IPCEF1: variants seen among roughly 807,000 people sequenced by gnomAD.
IPCEF1 encodes interactor protein for cytohesin exchange factors 1.
In IPCEF1, 31 loss-of-function variants were observed where a neutral mutation model predicts 50.9. The observed-to-expected ratio is 0.61, with a 90% CI of 0.46 to 0.82. IPCEF1 has a LOEUF of 0.82. IPCEF1 is among the 40% of genes least tolerant of loss of function. IPCEF1 has a pLI of 0.00. For synonymous variants in IPCEF1, 181 were observed against 192.0 expected (o/e 0.94, Z 0.47); for missense variants, 458 against 514.0 (o/e 0.89, Z 1.05).
rs1306422789 is a variant in IPCEF1, at chr6:154,292,935, GA to G, written c.-61-3180del. On this transcript the variant is annotated intron_variant, in intron 1 of 11. Transcript: ENST00000367220. ...TATACCAGCTCTTTCTTTCTCCCCA[GA>G]ACAAGATCTTATGTCACTTCCTCCT... 7.2e-5 allele frequency among the ~76,000 whole-genome samples: 11 copies of G among 152,096 alleles called. 1 individual carries two copies.
intron 1 of IPCEF1, among the ~76,000 whole-genome samples, chr6:154,343,615 A>G (rs1201281772): frequency 3.3e-5 from 5 of 152,272 alleles, no homozygotes; most frequent in Middle Eastern, 3.4e-3. Context: ...TCCTCCGCCA[A>G]TCTGACCCAA....
rs746516519 is a variant in IPCEF1 at position 154,160,051 on chromosome 6, A to G, written c.1105-11T>C. The stretch of plus-strand genomic sequence containing the variant: ...ATCATGTTCTTTACACTGTGTGAGT[A>G]GAAAAAAAGGGGAAGGGGGTATGTT... On this transcript the variant is annotated splice_polypyrimidine_tract_variant and intron_variant, in intron 11 of 11. Coordinates refer to ENST00000367220, the MANE Select transcript of IPCEF1 (RefSeq NM_001130700.2). 3 of 1,599,158 alleles carry G rather than the reference A, an allele frequency of 1.9e-6. No individual in the cohort carries two copies. Among genetic ancestry groups the G allele is most frequent in the Non-Finnish European group, 2.6e-6 (3 of 1,172,482 alleles).
chr6:154,257,004 C>A (rs1024839564), intron 3 of IPCEF1, among the ~76,000 whole-genome samples: 9 of 152,168 alleles, frequency 5.9e-5, no homozygotes, highest in Non-Finnish European at 1.2e-4. Flanking sequence ...CTATGATGTT[C>A]AGTAGATTAG....
chr6:154,191,371 C>T (rs982747980), intron 10 of IPCEF1, among the ~76,000 whole-genome samples: 9 of 151,976 alleles, frequency 5.9e-5, no homozygotes, highest in Non-Finnish European at 7.4e-5. Flanking sequence ...TATGACATAA[C>T]GACATAAAGA....
intron 2 of IPCEF1, among the ~76,000 whole-genome samples, chr6:154,286,974 C>T (rs1192024153): frequency 3.3e-5 from 5 of 152,126 alleles, no homozygotes; most frequent in African/African-American, 9.7e-5. Flanking sequence ...TGGATTTCCC[C>T]TTGTTCTCAT....
chr6:154,180,414 A>ATATTTTTTTTT (rs1241250621), intron 10 of IPCEF1, among the ~76,000 whole-genome samples: 18 of 65,262 alleles, frequency 2.8e-4, no homozygotes, highest in African/African-American at 8.2e-4. Context: ...ATATATATAT[A>ATATTTTTTTTT]TTTTTTTTTT....
rs775354023 is a variant in IPCEF1 at position 154,167,961 on chromosome 6, C to T, written c.1063G>A (p.Glu355Lys). 1.2e-5 allele frequency: 20 copies of T among 1,603,812 alleles called. No individual in the cohort carries two copies. The highest frequency in any genetic ancestry group is 5.5e-5 in the South Asian group (5 of 90,150). The stretch of plus-strand genomic sequence containing the variant: ...AATGTTCGGATTTTGTGGAGTTTCT[C>T]GTTTATAGATGGATTTTTACACCGC... The part of the protein sequence containing the change: ...VKRCKNPSIN[E>K]KLHKIRTLNS... Residue 355 changes from glutamate to lysine, a missense_variant, in exon 11 of 12, where the codon GAG becomes AAG. By Grantham distance (56) the Glu-to-Lys change is moderately conservative. Coordinates refer to ENST00000367220, the MANE Select transcript of IPCEF1 (RefSeq NM_001130700.2).
rs547796412 is a variant in IPCEF1, at chr6:154,354,618, G to A, written c.-62+2054C>T. Among the ~76,000 whole-genome samples the A allele has an allele frequency of 6.7e-4, 97 of 145,320 alleles. 1 individual carries two copies. The highest frequency in any genetic ancestry group is 2.3e-3 in the African/African-American group (90 of 39,312). On this transcript the variant is annotated intron_variant, in intron 1 of 11. Coordinates refer to ENST00000367220, the MANE Select transcript of IPCEF1 (RefSeq NM_001130700.2). Reference sequence around the variant, plus strand: ...TCACTTCCACCATCACCTCCCCTACGACCACCACTTCCAACACCACCCCCT... The same window carrying A: ...TCACTTCCACCATCACCTCCCCTACAACCACCACTTCCAACACCACCCCCT...
intron 7 of IPCEF1, among the ~76,000 whole-genome samples, chr6:154,214,851 T>C (rs1038433801): frequency 1.3e-5 from 2 of 152,240 alleles, no homozygotes; most frequent in African/African-American, 4.8e-5. Flanking sequence ...TTTACCATTT[T>C]ACTGGCAATG....
chr6:154,227,098 T>G (rs1420868051), intron 5 of IPCEF1, among the ~76,000 whole-genome samples: 2 of 151,832 alleles, frequency 1.3e-5, no homozygotes, highest in African/African-American at 4.8e-5. Flanking sequence ...CTTGGGAGGC[T>G]GAGGCTGAGG....
chr6:154,178,540 G>T (rs990876947), intron 10 of IPCEF1, among the ~76,000 whole-genome samples: 1 of 151,918 alleles, frequency 6.6e-6, no homozygotes, highest in East Asian at 1.9e-4. Context: ...TAAACTTTGG[G>T]TTGGGCAACT....
At chr6:154,303,799 T>C (rs565528158) in intron 1 of IPCEF1, among the ~76,000 whole-genome samples, 1 of 152,164 alleles carries the variant, frequency 6.6e-6, no homozygotes, top group East Asian at 1.9e-4. Context: ...GGTGCACCTG[T>C]GGCCCTAATT....
chr6:154,159,969 T>C lies in IPCEF1; in HGVS notation c.1176A>G (p.Arg392=). ...GCAGGGTGTTCATGACTTTCCACTCTCTGTATTTCCTGGCTGTCAGCTTCG... is the reference window on the plus strand; with the variant it reads ...GCAGGGTGTTCATGACTTTCCACTCCCTGTATTTCCTGGCTGTCAGCTTCG... ...DDPKLTARKY[R]EWKVMNTLLI... Residue 392 remains arginine (R), a synonymous_variant, in exon 12 of 12, where the codon AGA becomes AGG. Transcript: ENST00000367220. 1 of 1,613,316 alleles carries C rather than the reference T, an allele frequency of 6.2e-7. No homozygotes were observed. The highest frequency in any genetic ancestry group is 1.1e-5 in the South Asian group (1 of 91,014).
intron 10 of IPCEF1, among the ~76,000 whole-genome samples, chr6:154,179,733 C>T (rs1019081785): frequency 5.9e-5 from 9 of 152,012 alleles, no homozygotes; most frequent in East Asian, 1.9e-4. Flanking sequence ...ATAAAGATTC[C>T]GGAAAAACAG....
intron 5 of IPCEF1, among the ~76,000 whole-genome samples, chr6:154,225,430 T>C (rs1050838098): frequency 2.0e-5 from 3 of 152,242 alleles, no homozygotes; most frequent in African/African-American, 7.2e-5. Context: ...AATAAAGTAC[T>C]AATACATGCT....
chr6:154,327,675 A>T (rs978310205), intron 1 of IPCEF1, among the ~76,000 whole-genome samples: 2 of 152,250 alleles, frequency 1.3e-5, no homozygotes, highest in African/African-American at 4.8e-5. Context: ...TGCCTCAAAG[A>T]CCTAGAGGCA....
chr6:154,244,869 C>G (rs1780903648), intron 5 of IPCEF1, among the ~76,000 whole-genome samples: 1 of 152,208 alleles, frequency 6.6e-6, no homozygotes, highest in Admixed American at 6.5e-5. Context: ...CAAGCTCCAT[C>G]AGCGTCCAAT....
chr6:154,337,203 C>G (rs962007061), intron 1 of IPCEF1, among the ~76,000 whole-genome samples: 6 of 152,124 alleles, frequency 3.9e-5, no homozygotes, highest in African/African-American at 1.4e-4. Flanking sequence ...CTCAGAAGTT[C>G]TATGCGAATA....
At chr6:154,269,369 G>A (rs1166061819) in intron 2 of IPCEF1, among the ~76,000 whole-genome samples, 6 of 152,218 alleles carry the variant, frequency 3.9e-5, no homozygotes, top group African/African-American at 9.6e-5. Flanking sequence ...GGCATGGGTG[G>A]TGGAGGTGGG....
Sources: gnomAD v4.1 joint callset for allele counts (sites outside exome capture counted in the v4.1 genomes callset) on GRCh38, gnomAD v4.1.1 for gene constraint, MANE v1.5 for transcripts, NCBI Gene and HGNC (gene_info 2026-07-23, HGNC 2026-07-21) for gene names.